The following CNGB3 variants were observed in gnomAD, a reference collection of about 807,000 sequenced individuals.
CNGB3 encodes cyclic nucleotide-gated channel beta-3.
Under a neutral mutation model 92.8 loss-of-function variants are expected in CNGB3, and 86 were observed. The ratio of observed to expected loss-of-function variants is 0.93; its 90% confidence interval spans 0.78 to 1.11. The LOEUF is 1.11. Among genes scored for constraint, CNGB3 ranks in the 50% least tolerant of loss-of-function variants. The pLI, the probability that CNGB3 is intolerant of heterozygous loss-of-function variation, is 0.00. For synonymous variants in CNGB3, 333 were observed against 332.7 expected (o/e 1.00, Z -0.01); for missense variants, 1,026 against 956.8 (o/e 1.07, Z -0.95).
intron 3 of CNGB3, chr8:86,704,075 A>G (rs1240397681): frequency 6.6e-6 from 1 of 152,216 alleles, no homozygotes; most frequent in Non-Finnish European, 1.5e-5. Flanking sequence ...TTAACTACTA[A>G]TAGCCTACTG....
chr8:86,683,541 C>T (rs1824122939), intron 3 of CNGB3, among the ~76,000 whole-genome samples: 1 of 152,064 alleles, frequency 6.6e-6, no homozygotes, highest in Admixed American at 6.6e-5. Flanking sequence ...TGAAACATTC[C>T]TTAAGATGCA....
intron 3 of CNGB3, among the ~76,000 whole-genome samples, chr8:86,723,354 A>G (rs1825007400): frequency 6.6e-6 from 1 of 152,152 alleles, no homozygotes; most frequent in South Asian, 2.1e-4. Context: ...AGTTCCTGCA[A>G]TCAATCAAAT....
At chr8:86,706,266 CT>C (rs78267774) in intron 3 of CNGB3, among the ~76,000 whole-genome samples, 31,724 of 152,104 alleles carry the variant, frequency 0.21, 3,931 homozygotes, top group East Asian at 0.4. Flanking sequence ...CAAACAGCCC[CT>C]CTCTTCCCCT....
intron 13 of CNGB3, among the ~76,000 whole-genome samples, chr8:86,622,352 C>T (rs563111620): frequency 4.1e-5 from 6 of 147,404 alleles, no homozygotes; most frequent in African/African-American, 1.5e-4. Context: ...AGCATCTACA[C>T]ATTTTCTTTT....
chr8:86,618,672 AT>A, intron 13 of CNGB3, among the ~76,000 whole-genome samples: 1 of 152,322 alleles, frequency 6.6e-6, no homozygotes. Flanking sequence ...TATTCAAAAT[AT>A]TTTTTAAAAG....
intron 15 of CNGB3, among the ~76,000 whole-genome samples, chr8:86,599,412 T>C (rs1229663966): frequency 1.3e-5 from 2 of 152,206 alleles, no homozygotes; most frequent in African/African-American, 2.4e-5. Context: ...TCTGGACACC[T>C]TGAAAAAAGA....
intron 14 of CNGB3, among the ~76,000 whole-genome samples, chr8:86,608,995 C>A (rs1822467744): frequency 6.6e-6 from 1 of 152,148 alleles, no homozygotes; most frequent in South Asian, 2.1e-4. Context: ...CTCATCGCCG[C>A]ACACAGGGAG....
intron 6 of CNGB3, chr8:86,661,925 T>G: frequency 1.4e-6 from 1 of 733,044 alleles, no homozygotes; most frequent in Non-Finnish European, 2.4e-6. Context: ...ATTCTTGGAA[T>G]CTCTAGGCAC....
intron 3 of CNGB3, among the ~76,000 whole-genome samples, chr8:86,683,735 G>A (rs1202016213): frequency 6.6e-6 from 1 of 152,084 alleles, no homozygotes. Context: ...CAATTCAAAG[G>A]AGAAAAGATA....
At chr8:86,604,342 A>G in intron 14 of CNGB3, 131 bp from the exon 15 acceptor site, 1 of 635,878 alleles carries the variant, frequency 1.6e-6, no homozygotes, top group Non-Finnish European at 2.7e-6. Flanking sequence ...GTGTAAAATT[A>G]ATTATCTTAA....
chr8:86,650,531 T>C (rs1823382031), intron 7 of CNGB3, among the ~76,000 whole-genome samples: 1 of 151,402 alleles, frequency 6.6e-6, no homozygotes, highest in African/African-American at 2.4e-5. Flanking sequence ...AAATAATGTA[T>C]TAAAAATAAA....
intron 8 of CNGB3, among the ~76,000 whole-genome samples, chr8:86,645,916 G>A (rs1823285550): frequency 6.6e-6 from 1 of 151,074 alleles, no homozygotes; most frequent in Non-Finnish European, 1.5e-5. Context: ...CTAGGGAATT[G>A]TGCATTAAGA....
rs149945278 is a variant in CNGB3, at chr8:86,670,978, T to G, written c.459A>C (p.Gly153=). 4.3e-5 allele frequency: 69 copies of G among 1,612,834 alleles called. No individual in the cohort carries two copies. The Admixed American group carries it at 5.0e-4, about 12-fold the overall frequency. The change falls in exon 4 of 18, where the codon GGA becomes GGC. Residue 153 remains glycine, a synonymous_variant. Coordinates refer to ENST00000320005, the MANE Select transcript of CNGB3 (RefSeq NM_019098.5). ...GGCTGGCTTCGGGTGAGGAGAGATC[T>G]CCCTCTACCAACTTTTTCTTGTAGA... ...TALYKKKLVE[G]DLSSPEASPQ...
intron 15 of CNGB3, among the ~76,000 whole-genome samples, chr8:86,600,735 G>A (rs577059867): frequency 1.4e-5 from 2 of 142,152 alleles, no homozygotes; most frequent in African/African-American, 2.6e-5. Context: ...TCAGCCTCCC[G>A]AGTAGCTGGG....
At chr8:86,577,363 C>A (rs1043422872) in intron 17 of CNGB3, among the ~76,000 whole-genome samples, 1 of 152,050 alleles carries the variant, frequency 6.6e-6, no homozygotes, top group African/African-American at 2.4e-5. Context: ...CATTTGTGAT[C>A]TATAGTAATT....
intron 13 of CNGB3, among the ~76,000 whole-genome samples, chr8:86,612,945 C>A (rs1387605971): frequency 6.6e-6 from 1 of 152,090 alleles, no homozygotes; most frequent in Non-Finnish European, 1.5e-5. Flanking sequence ...TGTAAGTAAG[C>A]AGAAAAGCTG....
At chr8:86,671,988 T>G (rs1045275158) in intron 3 of CNGB3, among the ~76,000 whole-genome samples, 21 of 152,234 alleles carry the variant, frequency 1.4e-4, no homozygotes, top group Admixed American at 5.2e-4. Context: ...ATTTGTTATA[T>G]CTTCAACTTT....
chr8:86,628,748 T>C (rs1310834583), intron 12 of CNGB3, among the ~76,000 whole-genome samples, 171 bp downstream of exon 12: 1 of 144,946 alleles, frequency 6.9e-6, no homozygotes, highest in African/African-American at 2.7e-5. Flanking sequence ...ACCAGTAAGA[T>C]ATTTATATTT....
Position 86,632,802 on chromosome 8 carries a change from G to A in CNGB3, c.1270C>T (p.Leu424Phe). 6.2e-7 allele frequency: 1 copy of A among 1,612,924 alleles called. No individual in the cohort carries two copies. The highest frequency in any genetic ancestry group is 8.5e-7 in the Non-Finnish European group (1 of 1,179,764). Reference sequence around the variant, plus strand: ...AAAACTCCAGAAAAAAAATTCAAGAGTTGAAAAACAATTTCAAATAAAGTT... The same window carrying A: ...AAAACTCCAGAAAAAAAATTCAAGAATTGAAAAACAATTTCAAATAAAGTT... ...PQTLFEIVFQLLNFFSGVFVF... is the reference protein window; with the variant it reads ...PQTLFEIVFQFLNFFSGVFVF... The change falls in exon 11 of 18, where the codon CTC (leucine) becomes TTC (phenylalanine). Residue 424 changes from leucine (L) to phenylalanine (F), a missense_variant. Leu to Phe is a conservative substitution (Grantham distance 22). Transcript: ENST00000320005.
Sources: gnomAD v4.1 joint callset for allele counts (sites outside exome capture counted in the v4.1 genomes callset) on GRCh38, gnomAD v4.1.1 for gene constraint, MANE v1.5 for transcripts, NCBI Gene and HGNC (gene_info 2026-07-23, HGNC 2026-07-21) for gene names.